The following C12orf56 variants were observed in gnomAD, a reference collection of about 807,000 sequenced individuals.
C12orf56 encodes uncharacterized protein C12orf56.
In C12orf56, 71 loss-of-function variants were observed where a neutral mutation model predicts 69.9. The observed-to-expected ratio is 1.02, with a 90% CI of 0.84 to 1.24. C12orf56 has a LOEUF of 1.24. Among genes scored for constraint, C12orf56 ranks in the 50% most tolerant of loss-of-function variants. The probability of loss-of-function intolerance (pLI) is 0.00; values close to 1 mark genes in which losing one functional copy is unlikely to be tolerated. For missense variants in C12orf56, 732 were observed against 738.5 expected (o/e 0.99, Z 0.10); for synonymous variants, 276 against 274.1 (o/e 1.01, Z -0.07).
At chr12:64,328,713 A>C (rs1225943971) in intron 3 of C12orf56, among the ~76,000 whole-genome samples, 1 of 8,562 alleles carries the variant, frequency 1.2e-4, no homozygotes, top group Non-Finnish European at 2.0e-4. Context: ...AAAAATATAT[A>C]TATATATATA....
At chr12:64,294,186 C>G (rs1045673673) in intron 6 of C12orf56, among the ~76,000 whole-genome samples, 1 of 151,838 alleles carries the variant, frequency 6.6e-6, no homozygotes, top group African/African-American at 2.4e-5. Context: ...CACAAAATAG[C>G]AAGTGTTGGC....
At chr12:64,377,245 C>T (rs2135980453) in intron 1 of C12orf56, among the ~76,000 whole-genome samples, 1 of 145,324 alleles carries the variant, frequency 6.9e-6, no homozygotes, top group South Asian at 2.2e-4. Flanking sequence ...GGCTGGAGTG[C>T]AGTGGTGTGA....
intron 3 of C12orf56, among the ~76,000 whole-genome samples, chr12:64,322,441 C>A (rs967005335): frequency 8.5e-6 from 1 of 117,806 alleles, no homozygotes; most frequent in Admixed American, 8.3e-5. Flanking sequence ...TCTTCTATTT[C>A]TTGCTGAGAC....
chr12:64,318,879 A>G lies in C12orf56; in HGVS notation c.590T>C (p.Leu197Pro), dbSNP rs372902608. ...AGAGCTCCTCCTGGAGGGGGAAGGT[A>G]GGGGTCGAAAGGCACCTTGGCCATG... ...SLHGQGAFRP[L>P]PSPSRRSSQS... The change falls in exon 4 of 13, where the codon CTA becomes CCA. Residue 197 changes from leucine to proline, a missense_variant. By Grantham distance (98) the Leu-to-Pro change is moderately conservative. Transcript: ENST00000543942. The G allele has an allele frequency of 1.3e-6, 2 of 1,537,204 alleles. No individual in the cohort carries two copies. The highest frequency in any genetic ancestry group is 2.4e-5 in the East Asian group (1 of 40,918).
intron 5 of C12orf56, among the ~76,000 whole-genome samples, chr12:64,308,980 G>GAAAGAAAGA (rs1555188292): frequency 1.3e-4 from 16 of 121,688 alleles, no homozygotes; most frequent in South Asian, 2.8e-4. Flanking sequence ...AGAAAAGAAA[G>GAAAGAAAGA]AAAGAAAAGA....
intron 3 of C12orf56, among the ~76,000 whole-genome samples, chr12:64,326,479 C>G (rs866300491): frequency 1.3e-5 from 2 of 152,098 alleles, no homozygotes; most frequent in African/African-American, 4.8e-5. Flanking sequence ...CCTATAATCC[C>G]AGTACTTGGG....
At chr12:64,313,407 T>C (rs2038648812) in intron 4 of C12orf56, among the ~76,000 whole-genome samples, 1 of 151,810 alleles carries the variant, frequency 6.6e-6, no homozygotes, top group Non-Finnish European at 1.5e-5. Flanking sequence ...TGAAGCCAGG[T>C]ACCATGGCTT....
At chr12:64,377,979 G>C (rs1487232641) in intron 1 of C12orf56, among the ~76,000 whole-genome samples, 2 of 152,138 alleles carry the variant, frequency 1.3e-5, no homozygotes, top group East Asian at 3.8e-4. Flanking sequence ...ACAACCTTGG[G>C]CAAATTGCTT....
chr12:64,326,284 A>C (rs1212638526), intron 3 of C12orf56, among the ~76,000 whole-genome samples: 1 of 152,190 alleles, frequency 6.6e-6, no homozygotes, highest in African/African-American at 2.4e-5. Context: ...TAAAACATAC[A>C]TGCACAGTTT....
intron 2 of C12orf56, among the ~76,000 whole-genome samples, chr12:64,347,110 G>C (rs920782482): frequency 2.0e-5 from 3 of 151,558 alleles, no homozygotes; most frequent in Admixed American, 6.6e-5. Context: ...CAAGGAGCTG[G>C]GACTACAGGT....
intron 4 of C12orf56, among the ~76,000 whole-genome samples, chr12:64,313,031 C>T (rs2038640366): frequency 6.6e-6 from 1 of 151,834 alleles, no homozygotes; most frequent in African/African-American, 2.4e-5. Context: ...GAGGCCGAGG[C>T]AGGCAGATCA....
intron 1 of C12orf56, among the ~76,000 whole-genome samples, chr12:64,366,208 AATATACAGTTTATATATTATATAT>A (rs2039476487): frequency 2.2e-5 from 2 of 90,398 alleles, no homozygotes; most frequent in Non-Finnish European, 4.1e-5. Flanking sequence ...TAGCTTGTAT[AATATACAGTTTATATATTATATAT>A]AATATACAGT....
At chr12:64,389,129 G>A (rs551203693) in intron 1 of C12orf56, 1 of 152,184 alleles carries the variant, frequency 6.6e-6, no homozygotes, top group East Asian at 1.9e-4. Context: ...ATGAAAAAAC[G>A]AGGCTAGACA....
chr12:64,283,799 T>A (rs1361741768), intron 8 of C12orf56, among the ~76,000 whole-genome samples: 1 of 152,094 alleles, frequency 6.6e-6, no homozygotes, highest in Non-Finnish European at 1.5e-5. Context: ...GGAAAAAACC[T>A]AGGTCCCTGG....
chr12:64,308,964 AAAGAAAGAAAAGAAAG>A lies in C12orf56; in HGVS notation c.968+3699_968+3714del, dbSNP rs1269072609. The stretch of plus-strand genomic sequence containing the variant: ...AGAAGAAAGAAAGAAAGAAAGAAAG[AAAGAAAGAAAAGAAAG>A]AAAGAAAAGAAAGAAGGAAAGAAAG... On this transcript the variant is annotated intron_variant, in intron 5 of 12. Coordinates refer to ENST00000543942, the MANE Select transcript of C12orf56 (RefSeq NM_001170633.2). 8.5e-4 allele frequency among the ~76,000 whole-genome samples: 104 copies of A among 121,642 alleles called. 3 individuals carry two copies. The highest frequency in any genetic ancestry group is 1.3e-3 in the South Asian group (5 of 3,738). The allele number at this position is 121,642 out of a possible 152,430, so 79.8% of individuals were successfully genotyped here.
chr12:64,390,107 C>G (rs898258010), intron 1 of C12orf56, among the ~76,000 whole-genome samples: 2 of 152,150 alleles, frequency 1.3e-5, no homozygotes, highest in Non-Finnish European at 2.9e-5. Context: ...GGTGAACAGG[C>G]AGACACGAGG....
rs527454122 is a variant in C12orf56, at chr12:64,357,721, A to AC, written c.253-4666dup. On this transcript the variant is annotated intron_variant, in intron 1 of 12. Coordinates refer to ENST00000543942, the MANE Select transcript of C12orf56 (RefSeq NM_001170633.2). ...AGGCCACCCTGGCCAACATAGTGAG[A>AC]CCCCCCCAATCTCTACTAAAAATGC... Among the ~76,000 whole-genome samples, 445 of 151,270 alleles carry AC rather than the reference A, an allele frequency of 2.9e-3. 2 individuals carry two copies. The highest frequency in any genetic ancestry group is 6.8e-3 in the Middle Eastern group (2 of 294).
chr12:64,352,066 A>C (rs970883530), intron 2 of C12orf56, among the ~76,000 whole-genome samples: 3 of 151,452 alleles, frequency 2.0e-5, no homozygotes, highest in Non-Finnish European at 4.4e-5. Context: ...ACATGCCAGC[A>C]AAAGAGTAAA....
rs1326553033 is a variant in C12orf56 at position 64,267,205 on chromosome 12, T to C, written c.1847A>G (p.Glu616Gly). 6.2e-7 allele frequency: 1 copy of C among 1,610,010 alleles called. No individual in the cohort carries two copies. The highest frequency in any genetic ancestry group is 8.5e-7 in the Non-Finnish European group (1 of 1,177,890). Residue 616 changes from glutamate to glycine, a missense_variant, in exon 13 of 13, where the codon GAA becomes GGA. Coordinates refer to ENST00000543942, the MANE Select transcript of C12orf56 (RefSeq NM_001170633.2). ...TTTCTATTCAACCAATTTCAGAACT[T>C]CATGAAAAAGTTGAATGGTAGGTTG... The part of the protein sequence containing the change: ...ITQPTIQLFH[E>G]VLKLVE
Sources: allele counts gnomAD v4.1 joint callset (sites outside exome capture counted in the v4.1 genomes callset), GRCh38; gene constraint gnomAD v4.1.1; transcripts MANE v1.5; gene names NCBI Gene and HGNC (gene_info 2026-07-23, HGNC 2026-07-21).